The following EHBP1 variants were observed in gnomAD, a reference collection of about 807,000 sequenced individuals.
The protein encoded by EHBP1 is EH domain binding protein 1.
EHBP1 carries 55 observed loss-of-function variants against 144.0 expected under a neutral mutation model. The ratio of observed to expected loss-of-function variants is 0.38; its 90% confidence interval spans 0.31 to 0.48. EHBP1 has a LOEUF of 0.48. Ranked by LOEUF, EHBP1 falls within the 20% of genes least tolerant of loss-of-function variation. EHBP1 has a pLI of 0.98. For missense variants in EHBP1, 1,200 were observed against 1,364.2 expected, an observed-to-expected ratio of 0.88 and a Z score of 1.90; for synonymous variants, 469 against 472.7, an observed-to-expected ratio of 0.99 and a Z score of 0.10.
At chr2:62,873,587 A>G (rs2050652366) in intron 9 of EHBP1, among the ~76,000 whole-genome samples, 1 of 152,154 alleles carries the variant, frequency 6.6e-6, no homozygotes, top group African/African-American at 2.4e-5. Flanking sequence ...TTCAGAACCG[A>G]TAAAACACAT....
intron 5 of EHBP1, among the ~76,000 whole-genome samples, chr2:62,782,573 G>A (rs2042515746): frequency 6.6e-6 from 1 of 152,128 alleles, no homozygotes; most frequent in South Asian, 2.1e-4. Flanking sequence ...GAAACTTACA[G>A]TCATAGTGGA....
intron 9 of EHBP1, among the ~76,000 whole-genome samples, chr2:62,869,384 C>A (rs945429696): frequency 6.6e-6 from 1 of 152,076 alleles, no homozygotes; most frequent in South Asian, 2.1e-4. Flanking sequence ...AAAATGGGAA[C>A]AATTCAAATA....
intron 3 of EHBP1, among the ~76,000 whole-genome samples, chr2:62,753,867 C>T (rs1319029610): frequency 6.6e-6 from 1 of 152,204 alleles, no homozygotes. Flanking sequence ...GAGTCCTCTA[C>T]ACTGGTTATT....
chr2:62,721,127 A>G (rs1427193605), intron 2 of EHBP1, among the ~76,000 whole-genome samples: 1 of 152,108 alleles, frequency 6.6e-6, no homozygotes, highest in Non-Finnish European at 1.5e-5. Flanking sequence ...TATCTCCTCT[A>G]ATCTGTAATA....
chr2:62,835,044 A>G (rs189260841), intron 7 of EHBP1, among the ~76,000 whole-genome samples: 1 of 152,178 alleles, frequency 6.6e-6, no homozygotes. Flanking sequence ...TATAATTTGT[A>G]TCAGTTTGCC....
intron 19 of EHBP1, among the ~76,000 whole-genome samples, chr2:63,032,933 G>A (rs1205417341): frequency 1.3e-5 from 2 of 152,160 alleles, no homozygotes; most frequent in Non-Finnish European, 2.9e-5. Flanking sequence ...ATCAGGCTGA[G>A]CAAATGGTTT....
chr2:63,043,387 T>A (rs887638599), intron 21 of EHBP1, among the ~76,000 whole-genome samples: 2 of 152,212 alleles, frequency 1.3e-5, no homozygotes, highest in Non-Finnish European at 2.9e-5. Context: ...ATTTTTAAAA[T>A]AAAAATGTAA....
At chr2:62,724,863 T>C (rs920709564) in intron 2 of EHBP1, among the ~76,000 whole-genome samples, 1 of 152,234 alleles carries the variant, frequency 6.6e-6, no homozygotes, top group African/African-American at 2.4e-5. Context: ...TATTGTGTAC[T>C]GCTCATGCAA....
At chr2:63,010,873 A>G (rs978959198) in intron 19 of EHBP1, among the ~76,000 whole-genome samples, 1 of 151,768 alleles carries the variant, frequency 6.6e-6, no homozygotes, top group African/African-American at 2.4e-5. Flanking sequence ...AAACTACTTA[A>G]GTACACAACC....
At chr2:62,949,306 G>A in intron 13 of EHBP1, 144 bp downstream of exon 13, 1 of 721,616 alleles carries the variant, frequency 1.4e-6, no homozygotes, top group Non-Finnish European at 2.1e-6. Context: ...GTAGTAATGT[G>A]TGCCTAAGTC....
chr2:63,038,473 A>G (rs1008660327), intron 20 of EHBP1, among the ~76,000 whole-genome samples: 1 of 152,166 alleles, frequency 6.6e-6, no homozygotes, highest in African/African-American at 2.4e-5. Context: ...TATACTTGGC[A>G]TTTACTACAA....
At chr2:62,903,346 C>T (rs1040000695) in intron 10 of EHBP1, among the ~76,000 whole-genome samples, 8 of 151,762 alleles carry the variant, frequency 5.3e-5, no homozygotes, top group African/African-American at 1.2e-4. Flanking sequence ...TCCTATAATG[C>T]CTATAGTTCT....
intron 5 of EHBP1, among the ~76,000 whole-genome samples, chr2:62,822,151 T>C (rs1415139616): frequency 6.6e-6 from 1 of 152,238 alleles, no homozygotes; most frequent in African/African-American, 2.4e-5. Flanking sequence ...AATATGTTTA[T>C]TCATTTTTAT....
At chr2:62,991,893 G>A (rs549019201) in intron 16 of EHBP1, among the ~76,000 whole-genome samples, 1 of 152,276 alleles carries the variant, frequency 6.6e-6, no homozygotes, top group East Asian at 1.9e-4. Context: ...AATTGGTGAT[G>A]AAAGTGTGTG....
Position 63,020,885 on chromosome 2 carries a change from C to T in EHBP1, c.3104-16650C>T, listed in dbSNP as rs558222915. The stretch of plus-strand genomic sequence containing the variant: ...GTAGAGACAGGTTTCACCATGTTGG[C>T]CAGGATGGTCTTGAACTCCTGATCT... On this transcript the variant is annotated intron_variant, in intron 19 of 22. Transcript: ENST00000431489. Among the ~76,000 whole-genome samples, 30 of 151,650 alleles carry T rather than the reference C, an allele frequency of 2.0e-4. No individual in the cohort carries two copies. In the South Asian group the frequency reaches 5.8e-3, roughly 30 times the overall value.
Position 62,859,238 on chromosome 2 carries a change from T to G in EHBP1, c.704T>G (p.Phe235Cys). ...TTGGCCACCGTGAATTCAAATCCAT[T>G]TGATGATCCTGATGCTGCAGAATTA... is the stretch of plus-strand genomic sequence containing the variant. ...KDLATVNSNPFDDPDAAELNP... is the reference protein window; with the variant it reads ...KDLATVNSNPCDDPDAAELNP... Residue 235 changes from phenylalanine (F) to cysteine (C), a missense_variant, in exon 8 of 23, where the codon TTT (phenylalanine) becomes TGT (cysteine). Physicochemically the swap from Phe to Cys is radical, Grantham distance 205. Coordinates refer to ENST00000431489, the MANE Select transcript of EHBP1 (RefSeq NM_001142616.3). 4 of 1,612,292 alleles carry G rather than the reference T, an allele frequency of 2.5e-6. No homozygotes were observed. The highest frequency in any genetic ancestry group is 3.4e-6 in the Non-Finnish European group (4 of 1,178,828).
At chr2:62,859,732 G>C (rs1361858187) in intron 8 of EHBP1, among the ~76,000 whole-genome samples, 2 of 152,170 alleles carry the variant, frequency 1.3e-5, no homozygotes, top group African/African-American at 2.4e-5. Flanking sequence ...ATGGAGCAGA[G>C]AGTAGGTTAA....
In EHBP1 at chr2:63,045,575, T is replaced by C; in HGVS notation, c.*75T>C. 8.0e-7 allele frequency: 1 copy of C among 1,257,424 alleles called. No individual in the cohort carries two copies. The allele number at this position is 1,257,424 out of a possible 1,614,324, so 77.9% of individuals were successfully genotyped here. On this transcript the variant is annotated 3_prime_UTR_variant, in exon 23 of 23. Coordinates refer to ENST00000431489, the MANE Select transcript of EHBP1 (RefSeq NM_001142616.3). This position sits in a 1 kb window ranked among gnomAD's most constrained non-coding sequence, Gnocchi z 5.7. ...AAACCAGAAAAAGTCAGACTCATTG[T>C]TGATTTAAAACTTTTAACATTTTGT...
Position 62,792,260 on chromosome 2 carries a change from A to T in EHBP1, c.312+20868A>T, listed in dbSNP as rs527562836. Among the ~76,000 whole-genome samples the T allele has an allele frequency of 2.0e-5, 3 of 152,210 alleles. No individual in the cohort carries two copies. In the East Asian group the frequency reaches 5.8e-4, roughly 29 times the overall value. On this transcript the variant is annotated intron_variant, in intron 5 of 22. Coordinates refer to ENST00000431489, the MANE Select transcript of EHBP1 (RefSeq NM_001142616.3). The stretch of plus-strand genomic sequence containing the variant: ...GTTATGTGAGCTACAGAATGATGGT[A>T]CTATAACATGAGATCTCCCCCTCTA...
Sources: allele counts gnomAD v4.1 joint callset (sites outside exome capture counted in the v4.1 genomes callset), GRCh38; gene constraint gnomAD v4.1.1; non-coding constraint Gnocchi (gnomAD v3.1); transcripts MANE v1.5; gene names NCBI Gene and HGNC (gene_info 2026-07-23, HGNC 2026-07-21).